The following CADPS variants were observed in gnomAD, a reference collection of about 807,000 sequenced individuals.
CADPS encodes calcium-dependent secretion activator 1.
Under a neutral mutation model 167.3 loss-of-function variants are expected in CADPS, and 57 were observed. The ratio of observed to expected loss-of-function variants is 0.34; its 90% CI spans 0.28 to 0.42. The LOEUF (loss-of-function observed/expected upper bound fraction) is 0.42, where lower values mean the gene tolerates loss of function less well. Among genes scored for constraint, CADPS ranks in the 20% least tolerant of loss-of-function variants. The probability of loss-of-function intolerance (pLI) is 1.00; values close to 1 mark genes in which losing one functional copy is unlikely to be tolerated. For synonymous variants in CADPS, 676 were observed against 635.3 expected (o/e 1.06, Z -0.96); for missense variants, 1,414 against 1,738.1 (o/e 0.81, Z 3.32).
intron 3 of CADPS, among the ~76,000 whole-genome samples, chr3:62,730,409 A>C (rs2077546394): frequency 1.3e-5 from 2 of 152,184 alleles, no homozygotes; most frequent in Non-Finnish European, 2.9e-5. Context: ...TATCCAGCTG[A>C]AAGATTTGGG....
chr3:62,635,372 T>C (rs1022118098), intron 6 of CADPS, among the ~76,000 whole-genome samples: 3 of 152,146 alleles, frequency 2.0e-5, no homozygotes, highest in Non-Finnish European at 4.4e-5. Context: ...TATAAAGTCA[T>C]GGGAGACAAG....
chr3:62,854,089 A>C (rs2079167649), intron 1 of CADPS, among the ~76,000 whole-genome samples: 1 of 152,196 alleles, frequency 6.6e-6, no homozygotes, highest in Non-Finnish European at 1.5e-5. Context: ...TTTCAAGGCC[A>C]TTAAAAAATA....
chr3:62,838,529 T>C (rs1408966276), intron 1 of CADPS, among the ~76,000 whole-genome samples: 1 of 152,132 alleles, frequency 6.6e-6, no homozygotes, highest in Non-Finnish European at 1.5e-5. Context: ...TGGGTATGTG[T>C]GGTTTTGGGG....
At chr3:62,552,181 G>A (rs1291454473) in intron 10 of CADPS, among the ~76,000 whole-genome samples, 1 of 136,386 alleles carries the variant, frequency 7.3e-6, no homozygotes, top group African/African-American at 2.8e-5. Flanking sequence ...TGAACAATGA[G>A]AACACATGGA....
intron 17 of CADPS, among the ~76,000 whole-genome samples, chr3:62,503,524 T>G (rs2066120159): frequency 6.6e-6 from 1 of 152,226 alleles, no homozygotes; most frequent in South Asian, 2.1e-4. Flanking sequence ...AGGGCCGTTA[T>G]TAGTTCAAGT....
intron 6 of CADPS, among the ~76,000 whole-genome samples, chr3:62,632,617 C>G (rs1366308685): frequency 6.6e-6 from 1 of 152,148 alleles, no homozygotes; most frequent in Non-Finnish European, 1.5e-5. Flanking sequence ...GAACAGCTCA[C>G]TTGCTCAGTG....
At chr3:62,741,688 G>A (rs12495273) in intron 3 of CADPS, among the ~76,000 whole-genome samples, 2 of 152,122 alleles carry the variant, frequency 1.3e-5, no homozygotes, top group Non-Finnish European at 2.9e-5. Flanking sequence ...GCAAAAGCTG[G>A]AGGCATTCCC....
chr3:62,739,101 G>A (rs2079631174), intron 3 of CADPS, among the ~76,000 whole-genome samples: 1 of 152,132 alleles, frequency 6.6e-6, no homozygotes, highest in South Asian at 2.1e-4. Context: ...CTGGCCTTGT[G>A]ACTTCCTTTG....
intron 17 of CADPS, chr3:62,499,513 TAA>T (rs2065362074): frequency 8.8e-6 from 3 of 341,648 alleles, no homozygotes; most frequent in South Asian, 3.7e-5. Context: ...GAAGCTATAT[TAA>T]GTCTATGACA....
Position 62,666,993 on chromosome 3 carries a change from G to T in CADPS, c.889-4599C>A, listed in dbSNP as rs2074548053. 4.0e-5 allele frequency among the ~76,000 whole-genome samples: 6 copies of T among 150,434 alleles called. No homozygotes were observed. The South Asian group carries it at 1.3e-3, about 32-fold the overall frequency. On this transcript the variant is annotated intron_variant, in intron 3 of 29. Transcript: ENST00000383710. Reference sequence around the variant, plus strand: ...TTGAAAGGACAAAATGACAAAATGTGCTGCATTGTCCAAGGGAAGTCAGAC... The same window carrying T: ...TTGAAAGGACAAAATGACAAAATGTTCTGCATTGTCCAAGGGAAGTCAGAC...
intron 1 of CADPS, among the ~76,000 whole-genome samples, chr3:62,845,366 C>G (rs961598075): frequency 1.3e-5 from 2 of 152,168 alleles, no homozygotes; most frequent in African/African-American, 4.8e-5. Context: ...CTACCACTTA[C>G]CAGATGTGTG....
chr3:62,740,487 A>G (rs2659464), intron 3 of CADPS, among the ~76,000 whole-genome samples: 2 of 152,020 alleles, frequency 1.3e-5, no homozygotes, highest in African/African-American at 2.4e-5. Context: ...TATGATACAA[A>G]TTTGTCTCTA....
In CADPS at chr3:62,786,033, T is replaced by A. The variant is rs1237140105; in HGVS notation, c.442-20049A>T. Among the ~76,000 whole-genome samples the A allele has an allele frequency of 8.6e-5, 13 of 151,080 alleles. 1 individual carries two copies. The highest frequency in any genetic ancestry group is 8.6e-4 in the Admixed American group (13 of 15,158). ...TTCAAAACCAGACTGGCCATCGTGG[T>A]GAAACCCCGTCTCTACTAAAAATAC... On this transcript the variant is annotated intron_variant, in intron 1 of 29. Transcript: ENST00000383710.
chr3:62,772,815 G>A (rs756292886), intron 1 of CADPS, among the ~76,000 whole-genome samples: 2 of 152,178 alleles, frequency 1.3e-5, no homozygotes, highest in Non-Finnish European at 2.9e-5. Context: ...TATTGTAAAA[G>A]AAGGAACCTC....
intron 17 of CADPS, chr3:62,500,661 A>C (rs11130882): frequency 0.51 from 77,222 of 151,890 alleles, 20,604 homozygotes; most frequent in Non-Finnish European, 0.6. Flanking sequence ...ATTTCTTTTC[A>C]TCTCTTCATC....
At chr3:62,804,443 G>T (rs2093965326) in intron 1 of CADPS, among the ~76,000 whole-genome samples, 1 of 152,094 alleles carries the variant, frequency 6.6e-6, no homozygotes, top group Non-Finnish European at 1.5e-5. Flanking sequence ...GTGACTGAGA[G>T]AGAGAGGAAA....
chr3:62,832,236 A>G (rs946275071), intron 1 of CADPS, among the ~76,000 whole-genome samples: 1 of 152,204 alleles, frequency 6.6e-6, no homozygotes, highest in Non-Finnish European at 1.5e-5. Context: ...TACTAGTTTT[A>G]AAAATACTCC....
At chr3:62,803,904 C>T (rs1280215325) in intron 1 of CADPS, among the ~76,000 whole-genome samples, 1 of 152,062 alleles carries the variant, frequency 6.6e-6, no homozygotes, top group African/African-American at 2.4e-5. Context: ...CCCACTTTTC[C>T]CTCCGTGGGG....
chr3:62,463,335 T>A (rs149657421), intron 26 of CADPS, among the ~76,000 whole-genome samples: 252 of 152,226 alleles, frequency 1.7e-3, no homozygotes, highest in African/African-American at 5.9e-3. Context: ...CAGGTTCAAG[T>A]CCAATGCAAC....
Sources: gnomAD v4.1 joint callset for allele counts (sites outside exome capture counted in the v4.1 genomes callset) on GRCh38, gnomAD v4.1.1 for gene constraint, MANE v1.5 for transcripts, NCBI Gene and HGNC (gene_info 2026-07-23, HGNC 2026-07-21) for gene names.